The following CLNK variants were observed in gnomAD, a reference collection of about 807,000 sequenced individuals.
CLNK encodes cytokine dependent hematopoietic cell linker.
CLNK carries 74 observed loss-of-function variants against 68.6 expected under a neutral mutation model. That is an observed-to-expected ratio of 1.08 (90% CI 0.89 to 1.31). The LOEUF (loss-of-function observed/expected upper bound fraction) is 1.31, where lower values mean the gene tolerates loss of function less well. Ranked by LOEUF, CLNK falls within the 50% of genes most tolerant of loss-of-function variation. The pLI is 0.00. For missense variants in CLNK, 553 were observed against 515.3 expected (o/e 1.07, Z -0.71); for synonymous variants, 198 against 172.2 (o/e 1.15, Z -1.17).
At chr4:10,537,706 C>CCTTCCTTGCTTTCTTTCTTTCTTTCTTT (rs1553848181) in intron 11 of CLNK, among the ~76,000 whole-genome samples, 7 of 13,376 alleles carry the variant, frequency 5.2e-4, no homozygotes, top group African/African-American at 1.9e-3. Context: ...TTCCTTCCTT[C>CCTTCCTTGCTTTCTTTCTTTCTTTCTTT]CTTTCTTTCT....
Position 10,520,827 on chromosome 4 carries a change from A to G in CLNK, c.736T>C (p.Ser246Pro). ...ACACTGTGGTTGCTTGTCGTGAATG[A>G]AGAACTATAAGAAAATATGTTAAAA... ...QEIPLAISSSSFTTSNHSVQN... is the reference protein window; with the variant it reads ...QEIPLAISSSPFTTSNHSVQN... Residue 246 changes from serine to proline, a missense_variant, in exon 15 of 19, where the codon TCA becomes CCA. Ser to Pro is a moderately conservative substitution (Grantham distance 74). Transcript: ENST00000226951. 1 of 1,601,172 alleles carries G rather than the reference A, an allele frequency of 6.2e-7. No homozygotes were observed. Among genetic ancestry groups the G allele is most frequent in the Non-Finnish European group, 8.5e-7 (1 of 1,171,492 alleles).
chr4:10,490,676 A>G (rs1215788938), intron 18 of CLNK, 63 bp from the exon 19 acceptor site: 2 of 1,376,906 alleles, frequency 1.5e-6, no homozygotes, highest in African/African-American at 2.9e-5. Flanking sequence ...AGGTTAAAGT[A>G]TAGCCAAGGT....
At chr4:10,532,815 T>G (rs1031982007) in intron 11 of CLNK, among the ~76,000 whole-genome samples, 3 of 152,212 alleles carry the variant, frequency 2.0e-5, no homozygotes, top group African/African-American at 7.2e-5. Context: ...TTGAATAATA[T>G]GAATTTTGGA....
At chr4:10,661,458 G>A (rs1724188588) in intron 2 of CLNK, among the ~76,000 whole-genome samples, 3 of 152,140 alleles carry the variant, frequency 2.0e-5, no homozygotes, top group South Asian at 2.1e-4. Flanking sequence ...ATAAGATCAC[G>A]GATTTTGGAG....
intron 5 of CLNK, 137 bp downstream of exon 5, chr4:10,571,604 G>T: frequency 1.6e-6 from 1 of 640,780 alleles, no homozygotes; most frequent in Admixed American, 2.7e-5. Flanking sequence ...CCAAAGTGCT[G>T]GGATTACAGG....
At chr4:10,598,107 T>A (rs1472993655) in intron 2 of CLNK, 58 bp from the exon 3 acceptor site, 2 of 1,161,294 alleles carry the variant, frequency 1.7e-6, no homozygotes, top group Non-Finnish European at 2.5e-6. Flanking sequence ...GGGGAAAAAT[T>A]AATTAAGTGC....
At chr4:10,630,684 A>C (rs972028633) in intron 2 of CLNK, among the ~76,000 whole-genome samples, 2 of 152,308 alleles carry the variant, frequency 1.3e-5, no homozygotes, top group Admixed American at 1.3e-4. Flanking sequence ...TTTCTCATTC[A>C]TTCAGTCATC....
rs370355217 is a variant in CLNK, at chr4:10,655,750, C to T, written c.11+12109G>A. ...CTGCAAGCTCAGCCTCCCGGGTTCA[C>T]GCCATTCTCCTGCCTCAGCCTCCTG... On this transcript the variant is annotated intron_variant, in intron 2 of 18. Transcript: ENST00000226951. Among the ~76,000 whole-genome samples the T allele has an allele frequency of 1.0e-4, 15 of 147,650 alleles. No homozygotes were observed. The East Asian group carries it at 1.8e-3, about 18-fold the overall frequency.
chr4:10,493,453 T>C (rs1716676221), intron 18 of CLNK, among the ~76,000 whole-genome samples: 1 of 152,186 alleles, frequency 6.6e-6, no homozygotes, highest in African/African-American at 2.4e-5. Flanking sequence ...GCCCATTTTC[T>C]TGCCTTAATG....
intron 4 of CLNK, among the ~76,000 whole-genome samples, chr4:10,584,510 G>T (rs767812318): frequency 6.6e-6 from 1 of 152,184 alleles, no homozygotes; most frequent in South Asian, 2.1e-4. Context: ...TACAGGAGAG[G>T]CATCAAAGGT....
At chr4:10,674,506 A>G (rs1259828215) in intron 1 of CLNK, among the ~76,000 whole-genome samples, 1 of 152,198 alleles carries the variant, frequency 6.6e-6, no homozygotes, top group Non-Finnish European at 1.5e-5. Flanking sequence ...TCATTAATAC[A>G]GTTCCCATAT....
intron 3 of CLNK, among the ~76,000 whole-genome samples, chr4:10,589,656 G>A (rs1421348905): frequency 6.6e-6 from 1 of 152,178 alleles, no homozygotes; most frequent in African/African-American, 2.4e-5. Flanking sequence ...GGTCTGGGAG[G>A]GAGGGGATCA....
chr4:10,508,496 C>T (rs1287791212), intron 16 of CLNK, among the ~76,000 whole-genome samples: 6 of 152,160 alleles, frequency 3.9e-5, no homozygotes, highest in East Asian at 1.9e-4. Context: ...AGCTATGATT[C>T]GGATCCTAGT....
At chr4:10,517,135 A>T (rs1389419357) in intron 15 of CLNK, among the ~76,000 whole-genome samples, 1 of 152,226 alleles carries the variant, frequency 6.6e-6, no homozygotes, top group African/African-American at 2.4e-5. Flanking sequence ...TTGTTTGAAA[A>T]GAAAATATGA....
intron 3 of CLNK, among the ~76,000 whole-genome samples, chr4:10,587,370 G>A (rs536954376): frequency 3.3e-5 from 5 of 152,170 alleles, no homozygotes; most frequent in South Asian, 2.1e-4. Flanking sequence ...GAAAAGCCCC[G>A]AGGCAGTGGA....
chr4:10,713,670 C>G, the CLNK span, among the ~76,000 whole-genome samples: 1 of 152,120 alleles, frequency 6.6e-6, no homozygotes, highest in South Asian at 2.1e-4. Flanking sequence ...ATGGATCCCT[C>G]ATGGATGGGT....
At chr4:10,584,872 C>T in intron 4 of CLNK, 55 bp downstream of exon 4, 1 of 1,571,462 alleles carries the variant, frequency 6.4e-7, no homozygotes, top group Non-Finnish European at 8.7e-7. Context: ...AATAACAGCC[C>T]AACAGACCCA....
At chr4:10,613,425 G>C (rs1211294353) in intron 2 of CLNK, among the ~76,000 whole-genome samples, 1 of 152,214 alleles carries the variant, frequency 6.6e-6, no homozygotes, top group East Asian at 1.9e-4. Flanking sequence ...CCACGTGGCT[G>C]AACTGGAATG....
intron 5 of CLNK, among the ~76,000 whole-genome samples, chr4:10,568,902 C>T (rs887961091): frequency 3.9e-5 from 6 of 152,174 alleles, no homozygotes; most frequent in Non-Finnish European, 5.9e-5. Flanking sequence ...GATGTGACAT[C>T]ACAGCAATGG....
Sources: allele counts gnomAD v4.1 joint callset (sites outside exome capture counted in the v4.1 genomes callset), GRCh38; gene constraint gnomAD v4.1.1; transcripts MANE v1.5; gene names NCBI Gene and HGNC (gene_info 2026-07-23, HGNC 2026-07-21).